The following CNTNAP2 variants were observed in gnomAD, a reference collection of about 807,000 sequenced individuals.
CNTNAP2 encodes the protein contactin associated protein 2, also known as contactin-associated protein-like 2.
Under a neutral mutation model 155.2 loss-of-function variants are expected in CNTNAP2, and 98 were observed. The observed-to-expected ratio is 0.63, with a 90% CI of 0.54 to 0.75. The LOEUF (loss-of-function observed/expected upper bound fraction) is 0.75. Ranked by LOEUF, CNTNAP2 falls within the 30% of genes least tolerant of loss-of-function variation. The pLI, the probability that CNTNAP2 is intolerant of heterozygous loss-of-function variation, is 0.00. For missense variants in CNTNAP2, 1,727 were observed against 1,688.1 expected (o/e 1.02, Z -0.40); for synonymous variants, 651 against 631.2 (o/e 1.03, Z -0.47).
chr7:146,895,565 C>A (rs1240387691), intron 3 of CNTNAP2, among the ~76,000 whole-genome samples: 2 of 151,736 alleles, frequency 1.3e-5, no homozygotes, highest in East Asian at 3.9e-4. Context: ...TAATTTAGAG[C>A]CATTTTTGAT....
At chr7:147,776,275 T>G (rs1306756342) in intron 13 of CNTNAP2, among the ~76,000 whole-genome samples, 1 of 151,650 alleles carries the variant, frequency 6.6e-6, no homozygotes, top group African/African-American at 2.4e-5. Flanking sequence ...GTTTTTTTTT[T>G]TTTTTTCATG....
intron 1 of CNTNAP2, among the ~76,000 whole-genome samples, chr7:146,341,837 TGAATGCATTTTGATTCTCAAA>T (rs1267536466): frequency 6.6e-6 from 1 of 152,198 alleles, no homozygotes; most frequent in Non-Finnish European, 1.5e-5. Flanking sequence ...TGCCCATGCC[TGAATGCATTTTGATTCTCAAA>T]GCATCTTTTG....
intron 21 of CNTNAP2, among the ~76,000 whole-genome samples, chr7:148,331,612 C>T (rs1314994288): frequency 1.8e-4 from 17 of 92,956 alleles, no homozygotes; most frequent in South Asian, 6.9e-4. Context: ...ATGGAATGGA[C>T]GGATGGAGTC....
chr7:146,133,637 G>A (rs1275165873), intron 1 of CNTNAP2, among the ~76,000 whole-genome samples: 2 of 152,058 alleles, frequency 1.3e-5, no homozygotes, highest in Non-Finnish European at 2.9e-5. Flanking sequence ...CATATGGCTA[G>A]CCAGTTTTCC....
At chr7:147,102,282 G>GAAAA (rs555981471) in intron 4 of CNTNAP2, among the ~76,000 whole-genome samples, 4 of 110,618 alleles carry the variant, frequency 3.6e-5, no homozygotes, top group East Asian at 2.6e-4. Flanking sequence ...TAGGCAAAAA[G>GAAAA]AAAAAAAAAA....
intron 1 of CNTNAP2, among the ~76,000 whole-genome samples, chr7:146,141,382 A>G (rs73736901): frequency 0.038 from 5,815 of 152,172 alleles, 386 homozygotes; most frequent in African/African-American, 0.13. Context: ...TTTTGTGTGT[A>G]GATAGACTGT....
chr7:148,306,766 GGT>G (rs150027065), intron 21 of CNTNAP2, among the ~76,000 whole-genome samples: 25 of 149,534 alleles, frequency 1.7e-4, no homozygotes, highest in African/African-American at 3.7e-4. Flanking sequence ...TTGGTTGGTT[GGT>G]GTGTGTGTGT....
intron 3 of CNTNAP2, among the ~76,000 whole-genome samples, chr7:146,851,145 C>T (rs10227433): frequency 0.031 from 4,690 of 152,126 alleles, 221 homozygotes; most frequent in African/African-American, 0.1. Context: ...CCACCACACC[C>T]GGCTAATTTT....
At chr7:147,368,976 G>A (rs1023782357) in intron 9 of CNTNAP2, among the ~76,000 whole-genome samples, 1 of 152,206 alleles carries the variant, frequency 6.6e-6, no homozygotes, top group African/African-American at 2.4e-5. Flanking sequence ...CTTGTGGAAG[G>A]CAGAGAAGTA....
At position 147,671,484 on chromosome 7, in the gene CNTNAP2, C is replaced by G. The variant is rs376608256; in HGVS notation, c.2098+32178C>G. On this transcript the variant is annotated intron_variant, in intron 13 of 23. Transcript: ENST00000361727. The stretch of plus-strand genomic sequence containing the variant: ...ATTATATCTCATGAAAAGCTGGTGT[C>G]CAGTGACGTTTATCTGAGAAAAAGA... Among the ~76,000 whole-genome samples, 6 of 152,172 alleles carry G rather than the reference C, an allele frequency of 3.9e-5. No homozygotes were observed. The South Asian group carries it at 8.3e-4, about 21-fold the overall frequency.
intron 20 of CNTNAP2, among the ~76,000 whole-genome samples, chr7:148,238,077 G>A (rs891900062): frequency 1.3e-4 from 20 of 152,306 alleles, no homozygotes; most frequent in Middle Eastern, 3.4e-3. Flanking sequence ...CAGGCCAGGC[G>A]CGGTGGCTCA....
At chr7:146,554,198 G>T (rs1242486876) in intron 1 of CNTNAP2, among the ~76,000 whole-genome samples, 2 of 152,038 alleles carry the variant, frequency 1.3e-5, no homozygotes, top group East Asian at 1.9e-4. Context: ...TCCTGTCTCG[G>T]CATATAGCTC....
intron 10 of CNTNAP2, among the ~76,000 whole-genome samples, chr7:147,470,815 G>C (rs551436387): frequency 6.6e-6 from 1 of 152,112 alleles, no homozygotes; most frequent in African/African-American, 2.4e-5. Flanking sequence ...AGGTAATTTA[G>C]AGGTTAATAT....
At chr7:147,187,195 G>A (rs1229464049) in intron 8 of CNTNAP2, among the ~76,000 whole-genome samples, 1 of 152,118 alleles carries the variant, frequency 6.6e-6, no homozygotes, top group African/African-American at 2.4e-5. Context: ...AGTGGTGGTG[G>A]AGATGGAGAG....
chr7:146,745,049 C>T (rs989062430), intron 1 of CNTNAP2, among the ~76,000 whole-genome samples: 2 of 152,112 alleles, frequency 1.3e-5, no homozygotes, highest in Non-Finnish European at 2.9e-5. Context: ...GTTGTGTGCT[C>T]TAGGGCTTTG....
At position 148,254,393 on chromosome 7, in the gene CNTNAP2, C is replaced by T. The variant is rs12669792; in HGVS notation, c.3382-12640C>T. Reference sequence around the variant, plus strand: ...TCAAGATTACAGAAGGGAATAAAGACGAAAATAAGAAAAGCCTCAATCATA... The same window carrying T: ...TCAAGATTACAGAAGGGAATAAAGATGAAAATAAGAAAAGCCTCAATCATA... On this transcript the variant is annotated intron_variant, in intron 20 of 23. Coordinates refer to ENST00000361727, the MANE Select transcript of CNTNAP2 (RefSeq NM_014141.6). Among the ~76,000 whole-genome samples the T allele has an allele frequency of 3.9e-3, 595 of 152,258 alleles. 27 individuals are homozygous for T. The East Asian group carries it at 0.097, about 25-fold the overall frequency.
At chr7:147,964,210 G>A (rs1801165698) in intron 14 of CNTNAP2, among the ~76,000 whole-genome samples, 1 of 152,066 alleles carries the variant, frequency 6.6e-6, no homozygotes, top group African/African-American at 2.4e-5. Flanking sequence ...CAAGGAGAGA[G>A]GCATCACCAG....
chr7:147,768,419 A>T (rs1230043697), intron 13 of CNTNAP2, among the ~76,000 whole-genome samples: 2 of 152,094 alleles, frequency 1.3e-5, no homozygotes, highest in African/African-American at 4.8e-5. Flanking sequence ...CCTATATGTA[A>T]ACTCTTTACT....
intron 9 of CNTNAP2, among the ~76,000 whole-genome samples, chr7:147,349,995 A>G (rs1247469409): frequency 6.6e-6 from 1 of 151,854 alleles, no homozygotes; most frequent in Non-Finnish European, 1.5e-5. Flanking sequence ...AATTATTGCA[A>G]TATTTTTTGC....
Sources: allele counts gnomAD v4.1 joint callset (sites outside exome capture counted in the v4.1 genomes callset), GRCh38; gene constraint gnomAD v4.1.1; transcripts MANE v1.5; gene names NCBI Gene and HGNC (gene_info 2026-07-23, HGNC 2026-07-21).